GRIA3: variants seen among roughly 807,000 people sequenced by gnomAD.
The protein encoded by GRIA3 is glutamate receptor 3.
Under a neutral mutation model 63.0 loss-of-function variants are expected in GRIA3, and 3 were observed. The observed-to-expected ratio is 0.05, with a 90% CI of 0.02 to 0.12. GRIA3 has a LOEUF of 0.12. Ranked by LOEUF, GRIA3 falls within the 10% of genes least tolerant of loss-of-function variation. The pLI, the probability that GRIA3 is intolerant of heterozygous loss-of-function variation, is 1.00. For synonymous variants in GRIA3, 274 were observed against 257.9 expected (o/e 1.06, Z -0.60); for missense variants, 347 against 700.9 (o/e 0.50, Z 5.70).
At chrX:123,332,196 TG>T in intron 4 of GRIA3, among the ~76,000 whole-genome samples, 1 of 110,522 alleles carries the variant, frequency 9.0e-6, no homozygotes, top group Admixed American at 9.7e-5. Flanking sequence ...GATATAACAC[TG>T]GGTAACACAT....
chrX:123,342,328 G>A (rs1290199414), intron 4 of GRIA3, among the ~76,000 whole-genome samples: 3 of 111,935 alleles, frequency 2.7e-5, no homozygotes, highest in East Asian at 2.8e-4. Context: ...ATTTGAACTC[G>A]CAGCCATTAC....
chrX:123,434,899 T>C (rs993263947), intron 12 of GRIA3, among the ~76,000 whole-genome samples: 2 of 112,494 alleles, frequency 1.8e-5, no homozygotes, highest in Non-Finnish European at 3.8e-5. Context: ...AAGGAAAGCA[T>C]TTAGCAATAA....
intron 2 of GRIA3, among the ~76,000 whole-genome samples, chrX:123,196,510 C>T (rs1455188713): frequency 1.8e-5 from 2 of 112,059 alleles, no homozygotes; most frequent in East Asian, 5.6e-4. Flanking sequence ...GGTGCTACAA[C>T]AACACCTTGC....
intron 3 of GRIA3, among the ~76,000 whole-genome samples, chrX:123,270,962 T>C (rs1202387015): frequency 2.7e-5 from 3 of 112,400 alleles, no homozygotes; most frequent in Non-Finnish European, 3.8e-5. Context: ...TTTATCACTG[T>C]ATCTGTATTC....
intron 3 of GRIA3, among the ~76,000 whole-genome samples, chrX:123,297,920 A>G (rs768133893): frequency 3.1e-4 from 34 of 109,328 alleles, no homozygotes; most frequent in Admixed American, 1.3e-3. Flanking sequence ...TTTCCCCTCT[A>G]TGTGCCTGTG....
chrX:123,483,898 C>T (rs752575526), intron 15 of GRIA3, among the ~76,000 whole-genome samples: 107 of 108,543 alleles, frequency 9.9e-4, no homozygotes, highest in African/African-American at 3.5e-3. Flanking sequence ...TGCCACTGCA[C>T]TCCAGCCTGG....
chrX:123,398,506 G>C (rs374043313), intron 6 of GRIA3, 130 bp from the exon 7 acceptor site: 18 of 525,830 alleles, frequency 3.4e-5, no homozygotes, highest in East Asian at 1.8e-4. Context: ...TGCCCAGAGA[G>C]ATCTCTTAAA....
intron 15 of GRIA3, among the ~76,000 whole-genome samples, chrX:123,487,312 T>A (rs1192693095): frequency 8.9e-6 from 1 of 112,946 alleles, no homozygotes; most frequent in African/African-American, 3.2e-5. Context: ...GAAATCTCTG[T>A]CCTTTACAAG....
chrX:123,342,936 C>T (rs764329920), intron 4 of GRIA3, among the ~76,000 whole-genome samples: 1 of 111,167 alleles, frequency 9.0e-6, no homozygotes, highest in East Asian at 2.8e-4. Context: ...ATAGTAGTGA[C>T]AGTTGTTATC....
At chrX:123,389,257 T>C (rs2045370883) in intron 5 of GRIA3, among the ~76,000 whole-genome samples, 1 of 112,195 alleles carries the variant, frequency 8.9e-6, no homozygotes. Context: ...GAAGTTTAAA[T>C]TCAGTGTTTC....
chrX:123,242,275 C>T (rs2044334029), intron 2 of GRIA3, among the ~76,000 whole-genome samples: 1 of 111,997 alleles, frequency 8.9e-6, no homozygotes, highest in South Asian at 3.8e-4. Context: ...CCATCTCACC[C>T]TCTCCCTGCT....
At chrX:123,395,184 T>C in intron 6 of GRIA3, 55 bp downstream of exon 6, 1 of 964,239 alleles carries the variant, frequency 1.0e-6, no homozygotes, top group Non-Finnish European at 1.5e-6. Flanking sequence ...AGTATCTCAG[T>C]ATGATCTTTA....
intron 3 of GRIA3, among the ~76,000 whole-genome samples, chrX:123,262,164 A>G (rs949620872): frequency 4.5e-5 from 5 of 112,026 alleles, no homozygotes; most frequent in Non-Finnish European, 9.4e-5. Context: ...TTAGACAACA[A>G]TTAAAGCCAA....
At chrX:123,418,709 T>C (rs1219663362) in intron 11 of GRIA3, among the ~76,000 whole-genome samples, 6 of 112,279 alleles carry the variant, frequency 5.3e-5, no homozygotes, top group Non-Finnish European at 1.1e-4. Context: ...GATGCTTCCA[T>C]ACATCCTCTA....
intron 2 of GRIA3, among the ~76,000 whole-genome samples, chrX:123,186,509 A>C (rs377263191): frequency 2.7e-5 from 3 of 111,723 alleles, no homozygotes; most frequent in Admixed American, 9.5e-5. Flanking sequence ...GAAATTCTGC[A>C]AACAAGTGAC....
chrX:123,263,596 GATTCCATAGCAGGCTTCCC>G (rs1338506641), intron 3 of GRIA3, among the ~76,000 whole-genome samples: 1 of 112,032 alleles, frequency 8.9e-6, no homozygotes, highest in African/African-American at 3.2e-5. Flanking sequence ...GCTAGGCGCT[GATTCCATAGCAGGCTTCCC>G]ATTTATTTCC....
intron 2 of GRIA3, among the ~76,000 whole-genome samples, chrX:123,238,265 A>G (rs1412522290): frequency 9.0e-6 from 1 of 111,449 alleles, no homozygotes; most frequent in Non-Finnish European, 1.9e-5. Flanking sequence ...ATCGGCTTCC[A>G]TCCCCAGGTG....
rs777486314 is a variant in GRIA3 at position 123,480,044 on chromosome X, T to C, written c.2325-19T>C. The C allele has an allele frequency of 1.1e-6, 1 of 943,133 alleles. No individual in the cohort carries two copies. The highest frequency in any genetic ancestry group is 1.5e-6 in the Non-Finnish European group (1 of 650,632). The allele number at this position is 943,133 out of a possible 1,213,427, so 77.7% of individuals were successfully genotyped here. On this transcript the variant is annotated intron_variant, in intron 13 of 15. Coordinates refer to ENST00000620443, the MANE Select transcript of GRIA3 (RefSeq NM_007325.5). ...AAATAACATAATATAATGTTATTTA[T>C]GTTATTTCCCACGTGAAGAACGCCT...
intron 3 of GRIA3, among the ~76,000 whole-genome samples, chrX:123,272,561 C>T (rs889821217): frequency 3.6e-5 from 4 of 111,547 alleles, no homozygotes; most frequent in East Asian, 2.9e-4. Context: ...CTCCAGAAAT[C>T]CTCCCCTGGG....
Sources: allele counts gnomAD v4.1 joint callset (sites outside exome capture counted in the v4.1 genomes callset), GRCh38; gene constraint gnomAD v4.1.1; transcripts MANE v1.5; gene names NCBI Gene and HGNC (gene_info 2026-07-23, HGNC 2026-07-21).